The following ADK variants were observed in gnomAD, a reference collection of about 807,000 sequenced individuals.
The protein encoded by ADK is adenosine kinase.
ADK carries 24 observed loss-of-function variants against 44.7 expected under a neutral mutation model. That is an observed-to-expected ratio of 0.54 (90% CI 0.39 to 0.76). The LOEUF is 0.76. ADK is among the 30% of genes least tolerant of loss of function. The pLI, the probability that ADK is intolerant of heterozygous loss-of-function variation, is 0.00. For synonymous variants in ADK, 128 were observed against 142.6 expected (o/e 0.90, Z 0.73); for missense variants, 321 against 425.1 (o/e 0.76, Z 2.15).
chr10:74,246,493 C>G (rs1845419666), intron 3 of ADK, among the ~76,000 whole-genome samples: 1 of 152,146 alleles, frequency 6.6e-6, no homozygotes, highest in Non-Finnish European at 1.5e-5. Flanking sequence ...AGTGAATTCT[C>G]TTGTAAGGTC....
chr10:74,473,998 G>C (rs201585543), intron 6 of ADK, among the ~76,000 whole-genome samples: 19 of 152,098 alleles, frequency 1.2e-4, no homozygotes, highest in Non-Finnish European at 2.2e-4. Flanking sequence ...AGTGGATATT[G>C]CCTATACCAA....
At chr10:74,300,236 T>TAC (rs1554840089) in intron 3 of ADK, among the ~76,000 whole-genome samples, 1 of 139,006 alleles carries the variant, frequency 7.2e-6, no homozygotes, top group Admixed American at 7.3e-5. Flanking sequence ...GTTTCTTTCT[T>TAC]TCTCTCTCTC....
intron 2 of ADK, among the ~76,000 whole-genome samples, chr10:74,208,034 G>T (rs1843665948): frequency 6.6e-6 from 1 of 152,228 alleles, no homozygotes; most frequent in Non-Finnish European, 1.5e-5. Context: ...TGTCAGTGCT[G>T]CCCCGAGCAC....
chr10:74,392,493 T>A (rs1298333913), intron 4 of ADK, among the ~76,000 whole-genome samples: 2 of 152,186 alleles, frequency 1.3e-5, no homozygotes, highest in East Asian at 3.8e-4. Flanking sequence ...TTGCCCATTT[T>A]AAGATCATGT....
chr10:74,457,782 CTG>C (rs1180190491), intron 6 of ADK, among the ~76,000 whole-genome samples: 1 of 152,198 alleles, frequency 6.6e-6, no homozygotes, highest in Non-Finnish European at 1.5e-5. Flanking sequence ...AAACCAAACA[CTG>C]CATGTTCTCA....
At chr10:74,213,464 C>T (rs1389192598) in intron 2 of ADK, among the ~76,000 whole-genome samples, 1 of 151,882 alleles carries the variant, frequency 6.6e-6, no homozygotes, top group Non-Finnish European at 1.5e-5. Flanking sequence ...GTAGCTATTA[C>T]TAGCACTATT....
chr10:74,608,909 T>C (rs893321522), intron 9 of ADK, among the ~76,000 whole-genome samples: 10 of 152,130 alleles, frequency 6.6e-5, no homozygotes, highest in African/African-American at 2.4e-4. Context: ...CTTTCTTTCA[T>C]AGATGCCCTG....
intron 6 of ADK, among the ~76,000 whole-genome samples, chr10:74,478,605 A>G (rs542998597): frequency 2.0e-5 from 3 of 152,244 alleles, no homozygotes; most frequent in Admixed American, 2.0e-4. Context: ...TTCCTTATCT[A>G]GCTTTATTTT....
rs543374893 is a variant in ADK at position 74,354,375 on chromosome 10, C to T, written c.273+39630C>T. ...GGCATCTGTTACCCCTACACAATTC[C>T]TTCATAAACAGTAGAAATTTCCCCC... On this transcript the variant is annotated intron_variant, in intron 4 of 10. Transcript: ENST00000539909. Among the ~76,000 whole-genome samples, 46 of 152,226 alleles carry T rather than the reference C, an allele frequency of 3.0e-4. No individual in the cohort carries two copies. In the South Asian group the frequency reaches 8.7e-3, roughly 29 times the overall value.
At chr10:74,274,749 C>T (rs75896814) in intron 3 of ADK, among the ~76,000 whole-genome samples, 65,106 of 100,826 alleles carry the variant, frequency 0.65, 22,404 homozygotes, top group Middle Eastern at 0.81. Flanking sequence ...TATATATATA[C>T]ACACACACAT....
chr10:74,693,050 A>G (rs1437912362), intron 10 of ADK, among the ~76,000 whole-genome samples: 3 of 152,206 alleles, frequency 2.0e-5, no homozygotes, highest in African/African-American at 7.2e-5. Context: ...TAGAGCAGCA[A>G]AACTGTTTTG....
At chr10:74,335,343 C>T (rs996904314) in intron 4 of ADK, among the ~76,000 whole-genome samples, 3 of 152,152 alleles carry the variant, frequency 2.0e-5, no homozygotes, top group Non-Finnish European at 2.9e-5. Flanking sequence ...GGTACTGATA[C>T]ACACAAATGG....
At chr10:74,498,648 G>A (rs1175572539) in intron 6 of ADK, among the ~76,000 whole-genome samples, 3 of 152,074 alleles carry the variant, frequency 2.0e-5, no homozygotes, top group African/African-American at 7.2e-5. Flanking sequence ...TTAACATTAG[G>A]TTTATCTCCT....
intron 6 of ADK, among the ~76,000 whole-genome samples, chr10:74,465,827 A>C (rs923366478): frequency 2.6e-5 from 4 of 152,158 alleles, no homozygotes; most frequent in African/African-American, 7.2e-5. Context: ...ATAGTTTAGC[A>C]TTCCATAGTA....
intron 3 of ADK, among the ~76,000 whole-genome samples, chr10:74,264,258 T>C (rs1032659332): frequency 3.3e-5 from 5 of 152,242 alleles, no homozygotes; most frequent in African/African-American, 9.6e-5. Context: ...AGTTGTTCTT[T>C]CCAGTGGTAT....
chr10:74,573,096 C>T (rs1851033106), intron 7 of ADK, among the ~76,000 whole-genome samples: 1 of 152,024 alleles, frequency 6.6e-6, no homozygotes, highest in Non-Finnish European at 1.5e-5. Context: ...TTAGAGTTTC[C>T]AGTTTTTCTG....
At chr10:74,495,829 A>G (rs773268973) in intron 6 of ADK, among the ~76,000 whole-genome samples, 20 of 152,168 alleles carry the variant, frequency 1.3e-4, no homozygotes, top group Non-Finnish European at 2.2e-4. Context: ...CAGCTCTACT[A>G]GTTACCTGGT....
At chr10:74,210,484 T>C (rs938155922) in intron 2 of ADK, among the ~76,000 whole-genome samples, 5 of 152,092 alleles carry the variant, frequency 3.3e-5, no homozygotes, top group African/African-American at 9.7e-5. Flanking sequence ...TGTTACTTAA[T>C]GTTCAAACCT....
intron 3 of ADK, among the ~76,000 whole-genome samples, chr10:74,292,360 T>C (rs1181477405): frequency 6.6e-6 from 1 of 152,202 alleles, no homozygotes. Flanking sequence ...CAAATCTCTA[T>C]CCTTTTTGTA....
Sources: allele counts gnomAD v4.1 joint callset (sites outside exome capture counted in the v4.1 genomes callset), GRCh38; gene constraint gnomAD v4.1.1; transcripts MANE v1.5; gene names NCBI Gene and HGNC (gene_info 2026-07-23, HGNC 2026-07-21).